NAALADL2: variants seen among roughly 807,000 people sequenced by gnomAD.
The protein encoded by NAALADL2 is inactive N-acetylated-alpha-linked acidic dipeptidase-like protein 2.
In NAALADL2, 76 loss-of-function variants were observed where a neutral mutation model predicts 87.2. The ratio of observed to expected loss-of-function variants is 0.87; its 90% CI spans 0.72 to 1.05. NAALADL2 has a LOEUF of 1.05. Among genes scored for constraint, NAALADL2 ranks in the 50% least tolerant of loss-of-function variants. The pLI, the probability that NAALADL2 is intolerant of heterozygous loss-of-function variation, is 0.00. For synonymous variants in NAALADL2, 354 were observed against 331.0 expected, an observed-to-expected ratio of 1.07 and a Z score of -0.75; for missense variants, 1,089 against 945.8, an observed-to-expected ratio of 1.15 and a Z score of -1.99.
chr3:174,972,982 G>C (rs1261232525), intron 1 of NAALADL2, among the ~76,000 whole-genome samples: 3 of 138,142 alleles, frequency 2.2e-5, no homozygotes, highest in African/African-American at 8.5e-5. Flanking sequence ...GGCAACAAGA[G>C]TGAAACTCTG....
At chr3:175,342,320 G>A (rs1483432676) in intron 5 of NAALADL2, among the ~76,000 whole-genome samples, 3 of 152,106 alleles carry the variant, frequency 2.0e-5, no homozygotes, top group Non-Finnish European at 4.4e-5. Context: ...ATTACTTGTG[G>A]GTGGAAAGTA....
At chr3:175,287,445 A>G (rs1174964326) in intron 4 of NAALADL2, among the ~76,000 whole-genome samples, 1 of 152,214 alleles carries the variant, frequency 6.6e-6, no homozygotes, top group East Asian at 1.9e-4. Context: ...ACTTTTTAAT[A>G]CATTAACTCA....
chr3:175,117,911 C>A (rs996757009), intron 2 of NAALADL2, among the ~76,000 whole-genome samples: 1 of 151,816 alleles, frequency 6.6e-6, no homozygotes, highest in Non-Finnish European at 1.5e-5. Flanking sequence ...GTGGCATGTA[C>A]ACACCATGGA....
At chr3:175,664,858 C>A (rs1732739130) in intron 11 of NAALADL2, among the ~76,000 whole-genome samples, 3 of 151,974 alleles carry the variant, frequency 2.0e-5, no homozygotes, top group Admixed American at 2.0e-4. Context: ...CCTATCAAAT[C>A]CTATCAAAGG....
At chr3:175,098,162 C>T (rs952258613) in intron 2 of NAALADL2, among the ~76,000 whole-genome samples, 4 of 152,060 alleles carry the variant, frequency 2.6e-5, no homozygotes, top group African/African-American at 7.2e-5. Flanking sequence ...TTTCCTATAC[C>T]CTTCTGTGTC....
intron 3 of NAALADL2, among the ~76,000 whole-genome samples, chr3:174,803,310 C>T (rs114323950): frequency 1.7e-4 from 26 of 152,228 alleles, no homozygotes; most frequent in African/African-American, 6.3e-4. Flanking sequence ...TTCTTTGCCC[C>T]ACTTTTTGAT....
chr3:174,793,566 G>A (rs536491591), intron 3 of NAALADL2, among the ~76,000 whole-genome samples: 2 of 152,128 alleles, frequency 1.3e-5, no homozygotes, highest in Non-Finnish European at 2.9e-5. Flanking sequence ...ATAGTAAGTT[G>A]TATGGTACTT....
intron 13 of NAALADL2, among the ~76,000 whole-genome samples, chr3:175,779,395 TTTTC>T (rs1431686190): frequency 6.6e-6 from 1 of 152,014 alleles, no homozygotes; most frequent in African/African-American, 2.4e-5. Flanking sequence ...CCACCCAGTA[TTTTC>T]TTCTTATTTT....
At chr3:175,001,264 T>C (rs1748187913) in intron 1 of NAALADL2, among the ~76,000 whole-genome samples, 1 of 152,236 alleles carries the variant, frequency 6.6e-6, no homozygotes, top group Non-Finnish European at 1.5e-5. Context: ...CCTGGGAATC[T>C]GTATTTCTGA....
rs186574110 is a variant in NAALADL2 at position 174,904,306 on chromosome 3, C to G, written c.43+44856C>G. On this transcript the variant is annotated intron_variant, in intron 1 of 13. Transcript: ENST00000454872. ...GTTACATTGTGTGATATGTTACCAA[C>G]TTATTAAGAATCTGAGTTCTGATGA... 5.8e-4 allele frequency among the ~76,000 whole-genome samples: 88 copies of G among 151,920 alleles called. 1 individual carries two copies. The highest frequency in any genetic ancestry group is 3.9e-4 in the Admixed American group (6 of 15,250).
At chr3:175,047,781 T>C (rs1309732910) in intron 1 of NAALADL2, among the ~76,000 whole-genome samples, 2 of 152,208 alleles carry the variant, frequency 1.3e-5, no homozygotes, top group Non-Finnish European at 2.9e-5. Context: ...TGAAAAACTC[T>C]GGCATTTTAT....
chr3:174,785,175 C>G (rs1716495068), intron 3 of NAALADL2, among the ~76,000 whole-genome samples: 1 of 152,130 alleles, frequency 6.6e-6, no homozygotes, highest in Admixed American at 6.6e-5. Flanking sequence ...CCTTCCCCTC[C>G]TTCTACTGTT....
At chr3:175,458,250 C>T (rs1021441376) in intron 6 of NAALADL2, among the ~76,000 whole-genome samples, 2 of 151,922 alleles carry the variant, frequency 1.3e-5, no homozygotes, top group Non-Finnish European at 2.9e-5. Flanking sequence ...TCTCTCCATA[C>T]TACTCAGTGA....
At chr3:175,559,342 G>A (rs1715882874) in intron 9 of NAALADL2, among the ~76,000 whole-genome samples, 3 of 148,808 alleles carry the variant, frequency 2.0e-5, no homozygotes, top group Admixed American at 6.7e-5. Flanking sequence ...TGTTTTGCTG[G>A]AGTCTTTAGG....
At chr3:174,848,248 A>C (rs1342279310) in intron 3 of NAALADL2, among the ~76,000 whole-genome samples, 6 of 152,040 alleles carry the variant, frequency 3.9e-5, no homozygotes, top group Admixed American at 1.3e-4. Flanking sequence ...ATTTTTTTCA[A>C]ATTTTCACAA....
chr3:175,234,727 G>GT (rs10646382), intron 3 of NAALADL2: 157 of 149,586 alleles, frequency 1.0e-3, no homozygotes, highest in East Asian at 1.4e-3. Context: ...TTATGATGCA[G>GT]TTTTTTTTTT....
At chr3:175,678,729 T>G (rs370802816) in intron 11 of NAALADL2, among the ~76,000 whole-genome samples, 2,187 of 151,050 alleles carry the variant, frequency 0.014, 22 homozygotes, top group Non-Finnish European at 0.022. Context: ...TGTCGTGGGG[T>G]GGGGGGAGAG....
At chr3:175,550,249 A>G (rs1443569548) in intron 9 of NAALADL2, among the ~76,000 whole-genome samples, 5 of 152,132 alleles carry the variant, frequency 3.3e-5, no homozygotes, top group Non-Finnish European at 7.4e-5. Flanking sequence ...ACTCTGGAAA[A>G]CATAATAGGA....
intron 2 of NAALADL2, among the ~76,000 whole-genome samples, chr3:174,674,456 C>T (rs1022844233): frequency 7.9e-5 from 12 of 151,998 alleles, no homozygotes; most frequent in African/African-American, 2.9e-4. Flanking sequence ...TACTGTGAAA[C>T]GGAGCTTCTT....
Sources: allele counts gnomAD v4.1 joint callset (sites outside exome capture counted in the v4.1 genomes callset), GRCh38; gene constraint gnomAD v4.1.1; transcripts MANE v1.5; gene names NCBI Gene and HGNC (gene_info 2026-07-23, HGNC 2026-07-21).